The following PDZRN4 variants were observed in gnomAD, a reference collection of about 807,000 sequenced individuals.
PDZRN4 encodes PDZ domain-containing RING finger protein 4.
Under a neutral mutation model 99.0 loss-of-function variants are expected in PDZRN4, and 70 were observed. The observed-to-expected ratio is 0.71, with a 90% CI of 0.58 to 0.86. The LOEUF (loss-of-function observed/expected upper bound fraction) is 0.86, where lower values mean the gene tolerates loss of function less well. PDZRN4 is among the 40% of genes least tolerant of loss of function. The pLI is 0.00. For missense variants in PDZRN4, 1,474 were observed against 1,331.2 expected (o/e 1.11, Z -1.67); for synonymous variants, 551 against 501.6 (o/e 1.10, Z -1.32).
At chr12:41,463,656 T>C (rs937051637) in intron 3 of PDZRN4, among the ~76,000 whole-genome samples, 4 of 152,164 alleles carry the variant, frequency 2.6e-5, no homozygotes, top group Non-Finnish European at 5.9e-5. Flanking sequence ...ACCACATCTA[T>C]ATTTAGCATG....
At chr12:41,350,590 G>A (rs1203640769) in intron 3 of PDZRN4, among the ~76,000 whole-genome samples, 1 of 152,010 alleles carries the variant, frequency 6.6e-6, no homozygotes, top group Non-Finnish European at 1.5e-5. Context: ...CAAGAGGGTT[G>A]TATTCTAGTT....
intron 3 of PDZRN4, among the ~76,000 whole-genome samples, chr12:41,243,524 C>T (rs775388046): frequency 1.3e-5 from 2 of 152,116 alleles, no homozygotes; most frequent in African/African-American, 4.8e-5. Flanking sequence ...AGTGATATCA[C>T]GGCATTTGAA....
At chr12:41,307,951 A>G (rs1170424243) in intron 3 of PDZRN4, among the ~76,000 whole-genome samples, 1 of 152,126 alleles carries the variant, frequency 6.6e-6, no homozygotes, top group African/African-American at 2.4e-5. Context: ...TATGGAAGAA[A>G]AAGCAAAAAC....
At chr12:41,309,924 C>A (rs1013356262) in intron 3 of PDZRN4, among the ~76,000 whole-genome samples, 1 of 151,814 alleles carries the variant, frequency 6.6e-6, no homozygotes, top group Non-Finnish European at 1.5e-5. Flanking sequence ...TGAGAGACTT[C>A]GTCCTTTCTT....
At chr12:41,210,641 G>C (rs1479545353) in intron 3 of PDZRN4, among the ~76,000 whole-genome samples, 1 of 151,896 alleles carries the variant, frequency 6.6e-6, no homozygotes, top group Non-Finnish European at 1.5e-5. Flanking sequence ...TGAAACCATG[G>C]TGAAAAGATG....
At chr12:41,438,096 T>A in intron 3 of PDZRN4, 5 of 1,519,136 alleles carry the variant, frequency 3.3e-6, no homozygotes, top group Non-Finnish European at 4.6e-6. Context: ...TGGCTAGCTT[T>A]ATTTTTTCTT....
chr12:41,471,087 C>T (rs576108328), intron 3 of PDZRN4, among the ~76,000 whole-genome samples: 3 of 152,308 alleles, frequency 2.0e-5, no homozygotes, highest in African/African-American at 4.8e-5. Flanking sequence ...ATGAACACAG[C>T]GGTGGTTGGA....
intron 3 of PDZRN4, among the ~76,000 whole-genome samples, chr12:41,415,727 T>C (rs1443397544): frequency 6.6e-6 from 1 of 152,146 alleles, no homozygotes; most frequent in East Asian, 1.9e-4. Context: ...AAGGCATGCT[T>C]TGCCATAGCA....
At chr12:41,224,197 G>T (rs1426614924) in intron 3 of PDZRN4, among the ~76,000 whole-genome samples, 3 of 152,200 alleles carry the variant, frequency 2.0e-5, no homozygotes, top group African/African-American at 7.2e-5. Flanking sequence ...CTACTTGCCA[G>T]TCTGTGGCAT....
intron 9 of PDZRN4, among the ~76,000 whole-genome samples, chr12:41,569,020 G>T (rs1334778498): frequency 1.3e-5 from 2 of 150,972 alleles, no homozygotes; most frequent in Non-Finnish European, 1.5e-5. Flanking sequence ...GGTCAGACTG[G>T]TCTTAAACTC....
At position 41,573,829 on chromosome 12, in the gene PDZRN4, G is replaced by T; in HGVS notation, c.3050G>T (p.Gly1017Val). Residue 1017 changes from glycine to valine, a missense_variant, in exon 10 of 10, where the codon GGG becomes GTG. Gly to Val is a moderately radical substitution (Grantham distance 109). Transcript: ENST00000402685. ...WMTIQELMTHGAKSPDGTRVH... is the reference protein window; with the variant it reads ...WMTIQELMTHVAKSPDGTRVH... Reference sequence around the variant, plus strand: ...ACAATCCAAGAACTGATGACCCATGGGGCCAAGTCTCCAGATGGCACGAGA... The same window carrying T: ...ACAATCCAAGAACTGATGACCCATGTGGCCAAGTCTCCAGATGGCACGAGA... 1 of 1,608,270 alleles carries T rather than the reference G, an allele frequency of 6.2e-7. No individual in the cohort carries two copies. Among genetic ancestry groups the T allele is most frequent in the Non-Finnish European group, 8.5e-7 (1 of 1,177,658 alleles).
At chr12:41,454,788 A>C (rs1210811193) in intron 3 of PDZRN4, among the ~76,000 whole-genome samples, 2 of 152,254 alleles carry the variant, frequency 1.3e-5, no homozygotes, top group Non-Finnish European at 2.9e-5. Flanking sequence ...AATGGAACTA[A>C]GGAGACTACA....
chr12:41,188,740 C>CG lies in PDZRN4; in HGVS notation c.286dup (p.Glu96GlyfsTer31). 1.3e-6 allele frequency: 2 copies of CG among 1,540,280 alleles called. No individual in the cohort carries two copies. Among genetic ancestry groups the CG allele is most frequent in the Non-Finnish European group, 1.7e-6 (2 of 1,154,236 alleles). Reference sequence around the variant, plus strand: ...GCTGCGGCCACTCGGTCAGGCTGCACGAGCTGGAGGCGCACGTCGAGCACT... The same window carrying CG: ...GCTGCGGCCACTCGGTCAGGCTGCACGGAGCTGGAGGCGCACGTCGAGCACT... On this transcript the variant is annotated frameshift_variant, in exon 1 of 10. Transcript: ENST00000402685. LOFTEE classifies it high-confidence loss of function.
At position 41,305,029 on chromosome 12, in the gene PDZRN4, C is replaced by T. The variant is rs567444740; in HGVS notation, c.843+110841C>T. Among the ~76,000 whole-genome samples, 10 of 152,234 alleles carry T rather than the reference C, an allele frequency of 6.6e-5. No individual in the cohort carries two copies. The South Asian group carries it at 2.1e-3, about 32-fold the overall frequency. ...AGGCAAAGGTGGTGTAGCAGCTGGG[C>T]CAGTTTTGGAGTCTGCAAAGAAGTT... On this transcript the variant is annotated intron_variant, in intron 3 of 9. Transcript: ENST00000402685.
chr12:41,344,645 C>T (rs974037238), intron 3 of PDZRN4, among the ~76,000 whole-genome samples: 21 of 151,410 alleles, frequency 1.4e-4, no homozygotes, highest in African/African-American at 4.8e-4. Flanking sequence ...ATAGGACCTA[C>T]ATTGCGGTTG....
chr12:41,547,300 C>A (rs1002068116), intron 5 of PDZRN4, among the ~76,000 whole-genome samples: 1 of 152,122 alleles, frequency 6.6e-6, no homozygotes, highest in Non-Finnish European at 1.5e-5. Flanking sequence ...GCCTGGTTCC[C>A]TAGTTGTCAC....
At chr12:41,370,441 G>T (rs765400959) in intron 3 of PDZRN4, among the ~76,000 whole-genome samples, 7 of 151,908 alleles carry the variant, frequency 4.6e-5, no homozygotes, top group Non-Finnish European at 1.0e-4. Context: ...CTAATGAAAA[G>T]TCTTTTATCA....
chr12:41,367,048 C>A (rs1463693522), intron 3 of PDZRN4, among the ~76,000 whole-genome samples: 2 of 152,016 alleles, frequency 1.3e-5, no homozygotes, highest in East Asian at 1.9e-4. Flanking sequence ...AGGGGGCATG[C>A]AACTTCAGCT....
intron 2 of PDZRN4, among the ~76,000 whole-genome samples, chr12:41,193,042 A>C (rs548760447): frequency 9.2e-5 from 14 of 152,340 alleles, no homozygotes; most frequent in African/African-American, 2.6e-4. Flanking sequence ...GTTGTTGGCC[A>C]TATGCTCTGT....
Sources: gnomAD v4.1 joint callset for allele counts (sites outside exome capture counted in the v4.1 genomes callset) on GRCh38, gnomAD v4.1.1 for gene constraint, MANE v1.5 for transcripts, NCBI Gene and HGNC (gene_info 2026-07-23, HGNC 2026-07-21) for gene names.